Variants in SLC14A2 observed in about 807,000 individuals in gnomAD.
The protein encoded by SLC14A2 is solute carrier family 14 member 2, also known as urea transporter 2.
Under a neutral mutation model 104.6 loss-of-function variants are expected in SLC14A2, and 91 were observed. The observed-to-expected ratio is 0.87, with a 90% CI of 0.73 to 1.04. SLC14A2 has a LOEUF of 1.04. Among genes scored for constraint, SLC14A2 ranks in the 50% least tolerant of loss-of-function variants. The pLI, the probability that SLC14A2 is intolerant of heterozygous loss-of-function variation, is 0.00. For missense variants in SLC14A2, 1,189 were observed against 1,156.0 expected (o/e 1.03, Z -0.41); for synonymous variants, 476 against 466.4 (o/e 1.02, Z -0.27).
intron 2 of SLC14A2, among the ~76,000 whole-genome samples, chr18:45,536,794 T>C (rs1482923045): frequency 1.3e-5 from 2 of 152,168 alleles, no homozygotes; most frequent in African/African-American, 2.4e-5. Context: ...TGTCACATTG[T>C]AAGGGCAATG....
intron 1 of SLC14A2, among the ~76,000 whole-genome samples, chr18:45,296,658 C>A (rs1411441982): frequency 6.6e-6 from 1 of 152,158 alleles, no homozygotes; most frequent in East Asian, 1.9e-4. Flanking sequence ...GCTAGGCACC[C>A]CAGACAGCTC....
intron 1 of SLC14A2, among the ~76,000 whole-genome samples, chr18:45,335,567 A>G (rs1349343848): frequency 6.6e-6 from 1 of 152,236 alleles, no homozygotes; most frequent in African/African-American, 2.4e-5. Flanking sequence ...GTCAATAAAG[A>G]TGGCTCTCAG....
At chr18:45,375,950 G>C (rs1161540195) in intron 1 of SLC14A2, among the ~76,000 whole-genome samples, 1 of 152,188 alleles carries the variant, frequency 6.6e-6, no homozygotes, top group Non-Finnish European at 1.5e-5. Flanking sequence ...CACTGGCCAG[G>C]ACAAGCTGGG....
At chr18:45,555,195 A>G (rs1335629018) in intron 2 of SLC14A2, among the ~76,000 whole-genome samples, 2 of 152,250 alleles carry the variant, frequency 1.3e-5, no homozygotes, top group African/African-American at 4.8e-5. Flanking sequence ...GGGCAGAGGT[A>G]CAAGGTAGCA....
chr18:45,419,536 G>T (rs1047664460), intron 1 of SLC14A2, among the ~76,000 whole-genome samples: 5 of 152,220 alleles, frequency 3.3e-5, no homozygotes, highest in African/African-American at 1.2e-4. Context: ...CACTTTGGGA[G>T]GCTGAGGCAG....
At chr18:45,423,420 C>T (rs1210953272) in intron 1 of SLC14A2, among the ~76,000 whole-genome samples, 2 of 152,224 alleles carry the variant, frequency 1.3e-5, no homozygotes, top group Non-Finnish European at 2.9e-5. Flanking sequence ...TGTGGAGGAG[C>T]TTCTGCAGGG....
At chr18:45,248,675 G>A (rs117786662) in intron 1 of SLC14A2, among the ~76,000 whole-genome samples, 9 of 152,338 alleles carry the variant, frequency 5.9e-5, no homozygotes, top group African/African-American at 9.6e-5. Context: ...ATGTTTATCA[G>A]TTCTGACAGC....
At chr18:45,303,687 A>T (rs1294019509) in intron 1 of SLC14A2, among the ~76,000 whole-genome samples, 1 of 152,268 alleles carries the variant, frequency 6.6e-6, no homozygotes, top group Non-Finnish European at 1.5e-5. Flanking sequence ...TATTTATTAC[A>T]GAAACACCTT....
rs72902395 is a variant in SLC14A2, at chr18:45,549,044, C to T, written c.-35+65722C>T. Among the ~76,000 whole-genome samples, 6 of 152,186 alleles carry T rather than the reference C, an allele frequency of 3.9e-5. No homozygotes were observed. In the South Asian group the frequency reaches 6.2e-4, roughly 16 times the overall value. On this transcript the variant is annotated intron_variant, in intron 2 of 20. Coordinates refer to the SLC14A2 transcript ENST00000586448. Reference sequence around the variant, plus strand: ...GTCTCACAATATTGCCGAAGGCTAGCGCCTCCTCCATCCTCCTTCCTATGC... The same window carrying T: ...GTCTCACAATATTGCCGAAGGCTAGTGCCTCCTCCATCCTCCTTCCTATGC...
chr18:45,210,683 A>G (rs1450748884), upstream of SLC14A2, among the ~76,000 whole-genome samples: 3 of 152,180 alleles, frequency 2.0e-5, no homozygotes, highest in African/African-American at 7.2e-5. Context: ...CAAGATTGGT[A>G]TTGGCCTCAG....
intron 1 of SLC14A2, among the ~76,000 whole-genome samples, chr18:45,471,467 T>C (rs1294763115): frequency 6.6e-6 from 1 of 152,202 alleles, no homozygotes; most frequent in South Asian, 2.1e-4. Flanking sequence ...GAAAACCGTT[T>C]TGAAATTATA....
At chr18:45,506,685 G>C (rs181446812) in intron 2 of SLC14A2, among the ~76,000 whole-genome samples, 1 of 152,184 alleles carries the variant, frequency 6.6e-6, no homozygotes, top group Non-Finnish European at 1.5e-5. Flanking sequence ...TTTTTCTCTA[G>C]TGCCTCCACA....
intron 1 of SLC14A2, chr18:45,447,381 A>AT (rs1338630420): frequency 1.3e-5 from 2 of 152,172 alleles, no homozygotes; most frequent in African/African-American, 2.4e-5. Flanking sequence ...AGGAGAGGAG[A>AT]AACAGACACA....
intron 1 of SLC14A2, among the ~76,000 whole-genome samples, chr18:45,265,357 A>G (rs2084581305): frequency 1.3e-5 from 2 of 152,204 alleles, no homozygotes; most frequent in Admixed American, 1.3e-4. Context: ...GAATGGCCCA[A>G]CAATTAAATG....
intron 1 of SLC14A2, among the ~76,000 whole-genome samples, chr18:45,236,265 A>G (rs1345602095): frequency 3.8e-5 from 2 of 52,192 alleles, no homozygotes; most frequent in Non-Finnish European, 6.5e-5. Flanking sequence ...GTGTATATAT[A>G]CATGTATGTG....
chr18:45,559,086 G>T (rs1246138562), intron 2 of SLC14A2, among the ~76,000 whole-genome samples: 2 of 152,162 alleles, frequency 1.3e-5, no homozygotes, highest in African/African-American at 2.4e-5. Context: ...ACTGCACCTG[G>T]CCCCTTTGAG....
intron 1 of SLC14A2, among the ~76,000 whole-genome samples, chr18:45,460,955 C>A (rs1598854279): frequency 6.6e-6 from 1 of 152,012 alleles, no homozygotes; most frequent in Non-Finnish European, 1.5e-5. Context: ...TTGTATGAAC[C>A]CCTTCTCAAT....
At chr18:45,204,797 C>A in the SLC14A2 span, among the ~76,000 whole-genome samples, 1 of 142,830 alleles carries the variant, frequency 7.0e-6, no homozygotes, top group African/African-American at 2.7e-5. Context: ...CAATTTTAAA[C>A]CTATCACTGA....
At chr18:45,272,280 G>T (rs1263513515) in intron 1 of SLC14A2, among the ~76,000 whole-genome samples, 3 of 152,060 alleles carry the variant, frequency 2.0e-5, no homozygotes, top group Non-Finnish European at 4.4e-5. Context: ...ATATTGAAGA[G>T]ATGTCTGTAC....
Sources: allele counts gnomAD v4.1 joint callset (sites outside exome capture counted in the v4.1 genomes callset), GRCh38; gene constraint gnomAD v4.1.1; transcripts MANE v1.5; gene names NCBI Gene and HGNC (gene_info 2026-07-23, HGNC 2026-07-21).